The following PLCG2 variants were observed in gnomAD, a reference collection of about 807,000 sequenced individuals.
PLCG2 encodes the protein phospholipase C gamma 2, also known as 1-phosphatidylinositol 4,5-bisphosphate phosphodiesterase gamma-2.
A neutral mutation model predicts 175.6 loss-of-function variants in PLCG2; 69 were observed. The observed-to-expected ratio is 0.39, with a 90% confidence interval of 0.32 to 0.48. The LOEUF is 0.48. Ranked by LOEUF, PLCG2 falls within the 20% of genes least tolerant of loss-of-function variation. PLCG2 has a pLI of 0.91. For synonymous variants in PLCG2, 827 were observed against 624.0 expected (o/e 1.33, Z -4.85); for missense variants, 1,798 against 1,650.9 (o/e 1.09, Z -1.54).
At chr16:81,778,158 T>G (rs1257531083), upstream of PLCG2, among the ~76,000 whole-genome samples, 2 of 151,972 alleles carry the variant, frequency 1.3e-5, no homozygotes, top group Non-Finnish European at 2.9e-5. Flanking sequence ...GGAGGATTGC[T>G]TGAGGTCAGG....
intron 25 of PLCG2, among the ~76,000 whole-genome samples, chr16:81,932,902 A>G (rs1910562856): frequency 6.6e-6 from 1 of 152,204 alleles, no homozygotes; most frequent in Non-Finnish European, 1.5e-5. Flanking sequence ...CAGTGAAACC[A>G]TCTCTTCTGC....
At chr16:81,925,460 C>T (rs1421006349) in intron 22 of PLCG2, among the ~76,000 whole-genome samples, 2 of 151,758 alleles carry the variant, frequency 1.3e-5, no homozygotes, top group Admixed American at 6.6e-5. Context: ...TGCGGGGGGG[C>T]GTGAAAAGGG....
chr16:81,948,882 G>T (rs571895796), intron 31 of PLCG2, among the ~76,000 whole-genome samples: 7 of 152,312 alleles, frequency 4.6e-5, no homozygotes, highest in Admixed American at 1.3e-4. Flanking sequence ...GTACACACCT[G>T]GAATAGATGG....
At chr16:81,750,224 A>G (rs5001584) in intron 1 of PLCG2, among the ~76,000 whole-genome samples, 80,260 of 151,832 alleles carry the variant, frequency 0.53, 23,167 homozygotes, top group Non-Finnish European at 0.65. Context: ...CTTGGCCAAC[A>G]TGGTGAAATT....
In PLCG2 at chr16:81,854,454, G is replaced by A; in HGVS notation, c.204G>A (p.Met68Ile). Reference sequence around the variant, plus strand: ...TTAATTTCATTTTAGTGGATATCATGGAAATAAAAGAAATCCGCCCAGGGA... The same window carrying A: ...TTAATTTCATTTTAGTGGATATCATAGAAATAAAAGAAATCCGCCCAGGGA... ...ADKIEGFLDI[M>I]EIKEIRPGKN... Residue 68 changes from methionine to isoleucine, a missense_variant, in exon 3 of 33, where the codon ATG becomes ATA. Met to Ile is a conservative substitution (Grantham distance 10). Transcript: ENST00000564138. 4 of 1,613,996 alleles carry A rather than the reference G, an allele frequency of 2.5e-6. No individual in the cohort carries two copies. Among genetic ancestry groups the A allele is most frequent in the Non-Finnish European group, 3.4e-6 (4 of 1,179,888 alleles).
chr16:81,907,747 A>G lies in PLCG2; in HGVS notation c.1530A>G (p.Glu510=), dbSNP rs1161942538. The G allele has an allele frequency of 1.2e-6, 2 of 1,613,890 alleles. No individual in the cohort carries two copies. The highest frequency in any genetic ancestry group is 2.2e-5 in the South Asian group (2 of 91,080). The change falls in exon 16 of 33, where the codon GAA becomes GAG. Residue 510 remains glutamate (E), a synonymous_variant. Coordinates refer to ENST00000564138, the MANE Select transcript of PLCG2 (RefSeq NM_002661.5). ...AGCTGTCCTTCAGTGATGACATTGAACAGACTATGGAGGAGGAAGTGCCCC... is the reference window on the plus strand; with the variant it reads ...AGCTGTCCTTCAGTGATGACATTGAGCAGACTATGGAGGAGGAAGTGCCCC... ...DAKLSFSDDI[E]QTMEEEVPQD... is the part of the protein sequence containing the mutation.
At chr16:81,841,781 A>G (rs543591187) in intron 2 of PLCG2, among the ~76,000 whole-genome samples, 1 of 152,240 alleles carries the variant, frequency 6.6e-6, no homozygotes, top group Admixed American at 6.5e-5. Context: ...TCTGCTGTGT[A>G]TCTCACCTAT....
Position 81,921,421 on chromosome 16 carries a change from A to G in PLCG2, c.2307+152A>G, listed in dbSNP as rs756670853. Reference sequence around the variant, plus strand: ...TTTTTTTTTTTGAGAAGAAAGGATGATTGATAATATCAAGCCTAGTTTCAG... The same window carrying G: ...TTTTTTTTTTTGAGAAGAAAGGATGGTTGATAATATCAAGCCTAGTTTCAG... On this transcript the variant is annotated intron_variant, in intron 21 of 32. Transcript: ENST00000564138. The G allele has an allele frequency of 3.2e-5, 22 of 687,942 alleles. No homozygotes were observed. The African/African-American group carries it at 3.4e-4, about 11-fold the overall frequency. 42.6% of individuals were successfully genotyped at this position (687,942 alleles called of 1,614,324 possible).
intron 1 of PLCG2, among the ~76,000 whole-genome samples, chr16:81,747,432 C>T (rs1240242932): frequency 2.0e-5 from 3 of 152,108 alleles, no homozygotes; most frequent in African/African-American, 4.8e-5. Context: ...CTACACGGGA[C>T]ACTGAGGCAC....
intron 13 of PLCG2, among the ~76,000 whole-genome samples, chr16:81,896,766 T>G (rs1443270327): frequency 1.3e-5 from 2 of 152,166 alleles, no homozygotes; most frequent in Non-Finnish European, 2.9e-5. Flanking sequence ...GGGGCCAGGC[T>G]CTGTGCTAGG....
At chr16:81,814,620 G>A (rs901292441) in intron 2 of PLCG2, among the ~76,000 whole-genome samples, 8 of 152,062 alleles carry the variant, frequency 5.3e-5, no homozygotes, top group African/African-American at 1.4e-4. Context: ...ACTTGAACCC[G>A]GGAGGTGGAG....
At chr16:81,946,520 G>T (rs1478903504) in intron 31 of PLCG2, among the ~76,000 whole-genome samples, 1 of 152,050 alleles carries the variant, frequency 6.6e-6, no homozygotes, top group Non-Finnish European at 1.5e-5. Flanking sequence ...GTACTTGTAA[G>T]TTCCCCATAG....
intron 22 of PLCG2, among the ~76,000 whole-genome samples, chr16:81,924,707 A>T (rs1315391873): frequency 6.6e-6 from 1 of 152,234 alleles, no homozygotes; most frequent in Non-Finnish European, 1.5e-5. Context: ...TCATACCTAG[A>T]TTCCACAGAA....
At chr16:81,921,503 G>T in intron 21 of PLCG2, 2 of 539,790 alleles carry the variant, frequency 3.7e-6, no homozygotes, top group Non-Finnish European at 6.7e-6. Flanking sequence ...AAATTCTGAG[G>T]TTTGACGAAC....
Position 81,927,078 on chromosome 16 carries a change from C to G in PLCG2, c.2418-4C>G, listed in dbSNP as rs779916595. 8 of 1,605,468 alleles carry G rather than the reference C, an allele frequency of 5.0e-6. No homozygotes were observed. Among genetic ancestry groups the G allele is most frequent in the East Asian group, 2.2e-5 (1 of 44,846 alleles). On this transcript the variant is annotated splice_region_variant and splice_polypyrimidine_tract_variant and intron_variant, in intron 22 of 32. Transcript: ENST00000564138. ...GCGCCCCCATGTCCTCTCTTCTTAT[C>G]CAGGTGGAAAGGAGACTATGGAACC...
intron 2 of PLCG2, among the ~76,000 whole-genome samples, chr16:81,766,427 C>T (rs1392269230): frequency 6.6e-6 from 1 of 152,080 alleles, no homozygotes; most frequent in Non-Finnish European, 1.5e-5. Context: ...GAGCCCACTG[C>T]CTGAGAAGTC....
chr16:81,793,014 G>C (rs1174955930), intron 2 of PLCG2, among the ~76,000 whole-genome samples: 3 of 152,182 alleles, frequency 2.0e-5, no homozygotes, highest in African/African-American at 7.2e-5. Context: ...TTCTTTTTAA[G>C]ATGTGGGAAA....
chr16:81,840,825 C>T (rs1401031917), intron 2 of PLCG2, among the ~76,000 whole-genome samples: 1 of 152,156 alleles, frequency 6.6e-6, no homozygotes, highest in Non-Finnish European at 1.5e-5. Flanking sequence ...TGGCAAGGAA[C>T]AGGGCAGGGC....
intron 2 of PLCG2, among the ~76,000 whole-genome samples, chr16:81,808,820 A>T (rs1056622175): frequency 4.6e-5 from 7 of 152,210 alleles, no homozygotes; most frequent in Admixed American, 3.3e-4. Flanking sequence ...AGCAAGCTCC[A>T]TAGCCTCTGT....
Sources: gnomAD v4.1 joint callset for allele counts (sites outside exome capture counted in the v4.1 genomes callset) on GRCh38, gnomAD v4.1.1 for gene constraint, MANE v1.5 for transcripts, NCBI Gene and HGNC (gene_info 2026-07-23, HGNC 2026-07-21) for gene names.